SUV39H2: variants seen among roughly 807,000 people sequenced by gnomAD.
SUV39H2 encodes the protein histone-lysine N-methyltransferase SUV39H2.
SUV39H2 carries 10 observed loss-of-function variants against 47.5 expected under a neutral mutation model. The ratio of observed to expected loss-of-function variants is 0.21; its 90% CI spans 0.13 to 0.36. The LOEUF (loss-of-function observed/expected upper bound fraction) is 0.36, where lower values mean the gene tolerates loss of function less well. SUV39H2 is among the 10% of genes least tolerant of loss of function. The probability of loss-of-function intolerance (pLI) is 1.00; values close to 1 mark genes in which losing one functional copy is unlikely to be tolerated. For synonymous variants in SUV39H2, 159 were observed against 166.8 expected (o/e 0.95, Z 0.36); for missense variants, 266 against 487.4 (o/e 0.55, Z 4.28).
Position 14,901,052 on chromosome 10 carries a change from G to A in SUV39H2, c.997-81G>A, listed in dbSNP as rs1833974624. On this transcript the variant is annotated intron_variant, in intron 4 of 5. Coordinates refer to ENST00000354919, the MANE Select transcript of SUV39H2 (RefSeq NM_001193424.2). ...AGTGGAACTTAAACTAAATCTCTAG[G>A]AAAGTAAACATTTTATATGGCATGT... 4 of 1,523,350 alleles carry A rather than the reference G, an allele frequency of 2.6e-6. No individual in the cohort carries two copies. In the South Asian group the frequency reaches 3.8e-5, roughly 15 times the overall value. The allele number at this position is 1,523,350 out of a possible 1,614,324, so 94.4% of individuals were successfully genotyped here. A position where few individuals can be genotyped will look rare whatever the true frequency, so the allele number is the denominator to read the frequency against.
chr10:14,898,202 C>CTTTTTTTTTTTTTTTTTTTTTTTTTT (rs919860514), intron 3 of SUV39H2: 2 of 56,150 alleles, frequency 3.6e-5, no homozygotes, highest in Non-Finnish European at 3.5e-5. Context: ...AGTACTGTTT[C>CTTTTTTTTTTTTTTTTTTTTTTTTTT]TTTTTTTTTT....
At chr10:14,881,399 A>G in intron 1 of SUV39H2, 101 bp from the exon 2 acceptor site, 1 of 1,049,090 alleles carries the variant, frequency 9.5e-7, no homozygotes, top group Non-Finnish European at 1.2e-6. Context: ...TTAGTCTAAA[A>G]TTGCCAGTTG....
intron 2 of SUV39H2, among the ~76,000 whole-genome samples, chr10:14,882,949 C>A (rs531207036): frequency 1.3e-4 from 20 of 151,944 alleles, no homozygotes; most frequent in Non-Finnish European, 1.9e-4. Context: ...CTCACTGCAA[C>A]CTCCACCTCC....
chr10:14,895,231 C>T (rs918715084), intron 2 of SUV39H2, among the ~76,000 whole-genome samples: 1 of 150,552 alleles, frequency 6.6e-6, no homozygotes, highest in African/African-American at 2.5e-5. Flanking sequence ...GGCTGGAGTG[C>T]AGTGGCACAG....
At position 14,897,076 on chromosome 10, in the gene SUV39H2, T is replaced by C. The variant is rs150726093; in HGVS notation, c.408T>C (p.Ala136=). 2.5e-6 allele frequency: 4 copies of C among 1,614,036 alleles called. No individual in the cohort carries two copies. Among genetic ancestry groups the C allele is most frequent in the Non-Finnish European group, 3.4e-6 (4 of 1,179,996 alleles). The change falls in exon 3 of 6, where the codon GCT becomes GCC. Residue 136 remains alanine, a synonymous_variant. Coordinates refer to ENST00000354919, the MANE Select transcript of SUV39H2 (RefSeq NM_001193424.2). ...TGAAGAAGGCTAAACAAAGGATAGC[T>C]CTGCAGAGATGGCAAGATGAACTCA... ...YIVKKAKQRI[A]LQRWQDELNR...
chr10:14,881,360 A>G, intron 1 of SUV39H2, 140 bp from the exon 2 acceptor site: 1 of 593,608 alleles, frequency 1.7e-6, no homozygotes. Context: ...TCTTGAAGAC[A>G]TGTAACTGGT....
chr10:14,899,419 A>T, intron 3 of SUV39H2, 120 bp from the exon 4 acceptor site: 1 of 1,070,204 alleles, frequency 9.3e-7, no homozygotes, highest in South Asian at 1.5e-5. Flanking sequence ...GTTTGCTTTG[A>T]TGACACCTGA....
intron 2 of SUV39H2, among the ~76,000 whole-genome samples, chr10:14,884,542 A>G (rs538749018): frequency 6.9e-4 from 105 of 152,326 alleles, no homozygotes; most frequent in African/African-American, 2.4e-3. Flanking sequence ...TACTTCATAT[A>G]GTCTGGATAC....
chr10:14,885,998 A>G (rs1046493531), intron 2 of SUV39H2, among the ~76,000 whole-genome samples: 1 of 152,176 alleles, frequency 6.6e-6, no homozygotes, highest in African/African-American at 2.4e-5. Flanking sequence ...AAGGTTCTTT[A>G]TCATCTGGCC....
intron 1 of SUV39H2, 72 bp downstream of exon 1, chr10:14,878,991 G>A: frequency 1.5e-6 from 2 of 1,338,184 alleles, no homozygotes; most frequent in South Asian, 2.0e-5. Flanking sequence ...CGGCGGGGCC[G>A]TCCCGCGGGC....
intron 1 of SUV39H2, 185 bp downstream of exon 1, chr10:14,879,104 G>T: frequency 2.4e-6 from 3 of 1,270,008 alleles, no homozygotes; most frequent in Non-Finnish European, 3.0e-6. Context: ...CCGCCTCCCT[G>T]CCCGGCCGGC....
At chr10:14,890,515 C>A (rs1366918838) in intron 2 of SUV39H2, among the ~76,000 whole-genome samples, 1 of 152,192 alleles carries the variant, frequency 6.6e-6, no homozygotes, top group South Asian at 2.1e-4. Flanking sequence ...ATCTCCGCCT[C>A]TTGAGTAGCT....
chr10:14,895,884 A>G (rs1424865369), intron 2 of SUV39H2, among the ~76,000 whole-genome samples: 2 of 150,878 alleles, frequency 1.3e-5, no homozygotes, highest in African/African-American at 4.9e-5. Context: ...TTTTTTTTGT[A>G]TGATACAAAG....
At chr10:14,886,853 G>A (rs1232481713) in intron 2 of SUV39H2, among the ~76,000 whole-genome samples, 1 of 152,220 alleles carries the variant, frequency 6.6e-6, no homozygotes, top group African/African-American at 2.4e-5. Flanking sequence ...TCTGTGGGAG[G>A]TGCACCTTGG....
At position 14,896,949 on chromosome 10, in the gene SUV39H2, C is replaced by T. The variant is rs776572721; in HGVS notation, c.281C>T (p.Ser94Phe). The change falls in exon 3 of 6, where the codon TCT (serine) becomes TTT (phenylalanine). Residue 94 changes from serine (S) to phenylalanine (F), a missense_variant. Physicochemically the swap from Ser to Phe is radical, Grantham distance 155. Transcript: ENST00000354919. ...TGCCCGTTACTGCTTCAGCAATTCTCTAATGACAAGCATAATTATTTATCT... is the reference window on the plus strand; with the variant it reads ...TGCCCGTTACTGCTTCAGCAATTCTTTAATGACAAGCATAATTATTTATCT... Reference protein sequence around the residue: ...LKCPLLLQQFSNDKHNYLSQV... With the variant: ...LKCPLLLQQFFNDKHNYLSQV... 2 of 1,614,012 alleles carry T rather than the reference C, an allele frequency of 1.2e-6. No homozygotes were observed. Among genetic ancestry groups the T allele is most frequent in the Non-Finnish European group, 1.7e-6 (2 of 1,179,974 alleles).
chr10:14,883,704 C>CAAAAAAAAAAAAAAAAAAAA (rs58522342), intron 2 of SUV39H2, among the ~76,000 whole-genome samples: 6 of 50,060 alleles, frequency 1.2e-4, no homozygotes, highest in Non-Finnish European at 2.7e-4. Flanking sequence ...GACTCAGTCT[C>CAAAAAAAAAAAAAAAAAAAA]AAAAAAAAAA....
chr10:14,892,487 A>G (rs1168286315), intron 2 of SUV39H2, among the ~76,000 whole-genome samples: 1 of 152,168 alleles, frequency 6.6e-6, no homozygotes, highest in African/African-American at 2.4e-5. Context: ...TGCAAATCTT[A>G]GCTCCCAGCT....
chr10:14,902,310 A>G (rs1834080011), intron 5 of SUV39H2, 96 bp from the exon 6 acceptor site: 1 of 757,446 alleles, frequency 1.3e-6, no homozygotes, highest in Non-Finnish European at 2.1e-6. Flanking sequence ...AGTACCCTCT[A>G]TCACTGATAA....
chr10:14,888,040 C>T (rs964083549), intron 2 of SUV39H2, among the ~76,000 whole-genome samples: 3 of 152,144 alleles, frequency 2.0e-5, no homozygotes, highest in Non-Finnish European at 4.4e-5. Flanking sequence ...TGGGCAGGCC[C>T]CAGAGTGTGC....
Sources: gnomAD v4.1 joint callset for allele counts (sites outside exome capture counted in the v4.1 genomes callset) on GRCh38, gnomAD v4.1.1 for gene constraint, MANE v1.5 for transcripts, NCBI Gene and HGNC (gene_info 2026-07-23, HGNC 2026-07-21) for gene names.